SLMAP: variants seen among roughly 807,000 people sequenced by gnomAD.
SLMAP encodes the protein sarcolemma associated protein, also known as sarcolemmal membrane-associated protein.
In SLMAP, 44 loss-of-function variants were observed where a neutral mutation model predicts 128.8. The observed-to-expected ratio is 0.34, with a 90% CI of 0.27 to 0.44. The LOEUF is 0.44. SLMAP is among the 20% of genes least tolerant of loss of function. The pLI is 1.00. For synonymous variants in SLMAP, 327 were observed against 348.8 expected, an observed-to-expected ratio of 0.94 and a Z score of 0.70; for missense variants, 787 against 985.3, an observed-to-expected ratio of 0.80 and a Z score of 2.69.
chr3:57,868,724 C>G (rs897114738), intron 13 of SLMAP, among the ~76,000 whole-genome samples: 4 of 148,684 alleles, frequency 2.7e-5, no homozygotes, highest in African/African-American at 9.9e-5. Flanking sequence ...AAGACCCTGT[C>G]TCTTAATTTA....
intron 9 of SLMAP, 44 bp downstream of exon 9, chr3:57,860,883 T>C (rs765905508): frequency 1.4e-6 from 2 of 1,465,758 alleles, no homozygotes; most frequent in African/African-American, 2.9e-5. Flanking sequence ...TTATGAGTGT[T>C]CAAAAAAATC....
chr3:57,859,477 C>T (rs1055532254), intron 8 of SLMAP, among the ~76,000 whole-genome samples: 1 of 152,030 alleles, frequency 6.6e-6, no homozygotes, highest in Non-Finnish European at 1.5e-5. Context: ...ATCGCTTGAG[C>T]CCAGGAGTTT....
intron 22 of SLMAP, among the ~76,000 whole-genome samples, chr3:57,921,394 A>G (rs564536675): frequency 6.6e-6 from 1 of 152,264 alleles, no homozygotes; most frequent in East Asian, 1.9e-4. Flanking sequence ...TGGGAGGCTG[A>G]AGCAGGTGGA....
intron 2 of SLMAP, among the ~76,000 whole-genome samples, chr3:57,830,191 C>T (rs982425642): frequency 1.3e-5 from 2 of 152,106 alleles, no homozygotes; most frequent in African/African-American, 4.8e-5. Context: ...CGTGCCACCA[C>T]ACCACCATAC....
At chr3:57,828,920 A>G (rs1441824585) in intron 2 of SLMAP, among the ~76,000 whole-genome samples, 3 of 152,036 alleles carry the variant, frequency 2.0e-5, no homozygotes, top group Non-Finnish European at 4.4e-5. Context: ...AGTTGGGACT[A>G]CAGGCCTGCA....
intron 5 of SLMAP, among the ~76,000 whole-genome samples, 159 bp from the exon 6 acceptor site, chr3:57,849,594 GA>G (rs375499677): frequency 2.6e-5 from 4 of 152,090 alleles, no homozygotes; most frequent in Non-Finnish European, 5.9e-5. Context: ...CGTCAGAAAA[GA>G]AAAAAATTTA....
At chr3:57,852,542 A>G (rs1020963138) in intron 6 of SLMAP, among the ~76,000 whole-genome samples, 1 of 152,242 alleles carries the variant, frequency 6.6e-6, no homozygotes. Context: ...GAATAAAAAA[A>G]TTAATATATG....
intron 2 of SLMAP, among the ~76,000 whole-genome samples, chr3:57,809,630 G>A (rs1032444712): frequency 1.3e-5 from 2 of 152,194 alleles, no homozygotes; most frequent in African/African-American, 2.4e-5. Context: ...AGGGCCTAAA[G>A]GCTGGGGGCC....
chr3:57,793,489 A>G (rs2085979773), intron 2 of SLMAP, among the ~76,000 whole-genome samples: 1 of 152,238 alleles, frequency 6.6e-6, no homozygotes, highest in Non-Finnish European at 1.5e-5. Flanking sequence ...AGTGTTCAGT[A>G]TACCATCATC....
intron 19 of SLMAP, among the ~76,000 whole-genome samples, chr3:57,909,444 G>A (rs1039337953): frequency 2.7e-5 from 4 of 150,526 alleles, no homozygotes; most frequent in African/African-American, 9.8e-5. Flanking sequence ...GGAGGTTTCA[G>A]TGAGCTGGGA....
intron 14 of SLMAP, among the ~76,000 whole-genome samples, chr3:57,888,895 C>CT (rs1300087203): frequency 1.3e-5 from 2 of 150,592 alleles, no homozygotes; most frequent in Non-Finnish European, 3.0e-5. Flanking sequence ...GTTTTTTTTT[C>CT]TTTTTTTCTG....
chr3:57,870,201 T>A (rs1278168708), intron 13 of SLMAP, among the ~76,000 whole-genome samples: 1 of 152,148 alleles, frequency 6.6e-6, no homozygotes, highest in African/African-American at 2.4e-5. Context: ...TATATATATA[T>A]AACATGATGA....
At chr3:57,807,067 G>A (rs1363876143) in intron 2 of SLMAP, among the ~76,000 whole-genome samples, 1 of 152,198 alleles carries the variant, frequency 6.6e-6, no homozygotes, top group Non-Finnish European at 1.5e-5. Flanking sequence ...TCTGACTGGT[G>A]TGAGATGGTA....
chr3:57,823,318 C>T (rs1016502680), intron 2 of SLMAP, among the ~76,000 whole-genome samples: 21 of 152,062 alleles, frequency 1.4e-4, no homozygotes, highest in Non-Finnish European at 2.8e-4. Context: ...GTGCTGCACC[C>T]ATTAACTCGT....
intron 15 of SLMAP, among the ~76,000 whole-genome samples, chr3:57,891,898 C>T (rs2096082294): frequency 6.6e-6 from 1 of 152,008 alleles, no homozygotes; most frequent in Non-Finnish European, 1.5e-5. Flanking sequence ...TCTTAAAGAA[C>T]AAATTGGACT....
intron 21 of SLMAP, among the ~76,000 whole-genome samples, chr3:57,915,805 A>C (rs529712543): frequency 6.6e-6 from 1 of 152,194 alleles, no homozygotes; most frequent in Non-Finnish European, 1.5e-5. Context: ...TTCTGTTCAC[A>C]CATATCAAGC....
At chr3:57,773,091 T>G (rs1188018298) in intron 2 of SLMAP, among the ~76,000 whole-genome samples, 1 of 152,218 alleles carries the variant, frequency 6.6e-6, no homozygotes, top group East Asian at 1.9e-4. Context: ...GGGATAGGCT[T>G]TGCCTCCCAC....
chr3:57,837,033 A>G (rs1198510362), intron 3 of SLMAP, among the ~76,000 whole-genome samples: 1 of 152,226 alleles, frequency 6.6e-6, no homozygotes, highest in Non-Finnish European at 1.5e-5. Flanking sequence ...TATAAAGAGC[A>G]AAGTCAATGG....
chr3:57,897,179 C>A, intron 17 of SLMAP: 1 of 1,124,450 alleles, frequency 8.9e-7, no homozygotes, highest in Non-Finnish European at 1.2e-6. Context: ...ATATGAAATG[C>A]AGCTGTGTTT....
Sources: gnomAD v4.1 joint callset for allele counts (sites outside exome capture counted in the v4.1 genomes callset) on GRCh38, gnomAD v4.1.1 for gene constraint, MANE v1.5 for transcripts, NCBI Gene and HGNC (gene_info 2026-07-23, HGNC 2026-07-21) for gene names.